The following BAIAP2L1 variants were observed in gnomAD, a reference collection of about 807,000 sequenced individuals.
BAIAP2L1 encodes BAR/IMD domain-containing adapter protein 2-like 1.
A neutral mutation model predicts 66.3 loss-of-function variants in BAIAP2L1; 35 were observed. The ratio of observed to expected loss-of-function variants is 0.53; its 90% CI spans 0.40 to 0.70. The LOEUF (loss-of-function observed/expected upper bound fraction) is 0.70, where lower values mean the gene tolerates loss of function less well. Among genes scored for constraint, BAIAP2L1 ranks in the 30% least tolerant of loss-of-function variants. The probability of loss-of-function intolerance (pLI) is 0.00; values close to 1 mark genes in which losing one functional copy is unlikely to be tolerated. For synonymous variants in BAIAP2L1, 269 were observed against 248.7 expected (o/e 1.08, Z -0.77); for missense variants, 622 against 656.9 (o/e 0.95, Z 0.58).
Position 98,343,248 on chromosome 7 carries a change from TACACAC to T in BAIAP2L1, c.214+11788_214+11793del, listed in dbSNP as rs57033582. 5.4e-3 allele frequency among the ~76,000 whole-genome samples: 688 copies of T among 128,506 alleles called. 4 individuals carry two copies. The highest frequency in any genetic ancestry group is 7.9e-3 in the Middle Eastern group (2 of 254). 84.3% of individuals were successfully genotyped at this position (128,506 alleles called of 152,430 possible). A position where few individuals can be genotyped will look rare whatever the true frequency, so the allele number is the denominator to read the frequency against. Reference sequence around the variant, plus strand: ...CCCTGTCTCTACTGGAAAAAAAAAATACACACACACACACACACACACACACACACA... The same window carrying T: ...CCCTGTCTCTACTGGAAAAAAAAAATACACACACACACACACACACACACA... On this transcript the variant is annotated intron_variant, in intron 3 of 13. Transcript: ENST00000005260.
intron 2 of BAIAP2L1, among the ~76,000 whole-genome samples, chr7:98,357,036 TA>T (rs1802146043): frequency 6.2e-5 from 1 of 16,160 alleles, no homozygotes; most frequent in African/African-American, 2.4e-4. Context: ...TATATATATA[TA>T]TATATATATA....
At chr7:98,314,729 C>A (rs942891841) in intron 7 of BAIAP2L1, among the ~76,000 whole-genome samples, 3 of 152,140 alleles carry the variant, frequency 2.0e-5, no homozygotes, top group Admixed American at 1.3e-4. Context: ...GCCCGTGACC[C>A]CCGGACACGG....
At position 98,292,887 on chromosome 7, in the gene BAIAP2L1, C is replaced by T. The variant is rs1372560189; in HGVS notation, c.*634G>A. 3.7e-5 allele frequency: 53 copies of T among 1,432,588 alleles called. 1 individual carries two copies. Among genetic ancestry groups the T allele is most frequent in the South Asian group, 1.7e-4 (11 of 66,270 alleles). The allele number at this position is 1,432,588 out of a possible 1,614,324, so 88.7% of individuals were successfully genotyped here. ...AAGGAGCTCTCGGAGGAGATTTCGTCGAGTGCTACGTGTGGCTGTGATAAG... is the reference window on the plus strand; with the variant it reads ...AAGGAGCTCTCGGAGGAGATTTCGTTGAGTGCTACGTGTGGCTGTGATAAG... On this transcript the variant is annotated 3_prime_UTR_variant, in exon 14 of 14. Transcript: ENST00000005260.
At chr7:98,313,198 G>A (rs1013721225) in intron 7 of BAIAP2L1, among the ~76,000 whole-genome samples, 4 of 149,426 alleles carry the variant, frequency 2.7e-5, no homozygotes, top group Non-Finnish European at 5.9e-5. Context: ...CCAGCTGCTT[G>A]GGCCTGCTTC....
intron 11 of BAIAP2L1, among the ~76,000 whole-genome samples, chr7:98,305,279 T>C (rs1274348083): frequency 1.3e-5 from 2 of 151,064 alleles, no homozygotes; most frequent in Non-Finnish European, 2.9e-5. Flanking sequence ...AGGAAAGAAA[T>C]TGGAGACTAG....
In BAIAP2L1 at chr7:98,307,758, T is replaced by C; in HGVS notation, c.1094A>G (p.Asp365Gly). Residue 365 changes from aspartate (D) to glycine (G), a missense_variant, in exon 10 of 14, where the codon GAT becomes GGT. Transcript: ENST00000005260. ...CTCGGGGATGAGCAGCGTGATGACATCTCCCTGTGCAAAGCTGAGTAAGGT... is the reference window on the plus strand; with the variant it reads ...CTCGGGGATGAGCAGCGTGATGACACCTCCCTGTGCAAAGCTGAGTAAGGT... ...NKTLLSFAQG[D>G]VITLLIPEEK... is the part of the protein sequence containing the mutation. The C allele has an allele frequency of 6.2e-7, 1 of 1,614,182 alleles. No homozygotes were observed. Among genetic ancestry groups the C allele is most frequent in the Non-Finnish European group, 8.5e-7 (1 of 1,180,042 alleles).
At chr7:98,311,647 C>T (rs1441763594) in intron 8 of BAIAP2L1, among the ~76,000 whole-genome samples, 1 of 151,942 alleles carries the variant, frequency 6.6e-6, no homozygotes, top group African/African-American at 2.4e-5. Flanking sequence ...GTGGCTCATG[C>T]CTGTAATCCC....
At chr7:98,329,119 G>A (rs1214997328) in intron 3 of BAIAP2L1, among the ~76,000 whole-genome samples, 1 of 152,124 alleles carries the variant, frequency 6.6e-6, no homozygotes. Context: ...AATCGCAAAG[G>A]CACTTCCGGT....
chr7:98,340,793 G>GTTTT (rs11455938), intron 3 of BAIAP2L1, among the ~76,000 whole-genome samples: 1 of 138,046 alleles, frequency 7.2e-6, no homozygotes, highest in Non-Finnish European at 1.5e-5. Flanking sequence ...GCTCTTACAG[G>GTTTT]TTTTTTTTTT....
chr7:98,326,388 C>A (rs1254673019), intron 3 of BAIAP2L1, among the ~76,000 whole-genome samples: 1 of 152,204 alleles, frequency 6.6e-6, no homozygotes, highest in Non-Finnish European at 1.5e-5. Flanking sequence ...TAGCTGCTGA[C>A]TTAAATAACA....
At chr7:98,396,376 A>T (rs983950843) in intron 1 of BAIAP2L1, among the ~76,000 whole-genome samples, 1 of 152,100 alleles carries the variant, frequency 6.6e-6, no homozygotes, top group Non-Finnish European at 1.5e-5. Context: ...GCCTCATTTT[A>T]TTAAGAGAGT....
intron 11 of BAIAP2L1, among the ~76,000 whole-genome samples, chr7:98,304,982 C>G (rs1800586643): frequency 6.6e-6 from 1 of 150,960 alleles, no homozygotes; most frequent in African/African-American, 2.4e-5. Flanking sequence ...TCTCCTGCCT[C>G]AGCCTCCCAA....
chr7:98,371,340 A>G (rs1802506434), intron 1 of BAIAP2L1, among the ~76,000 whole-genome samples: 1 of 152,220 alleles, frequency 6.6e-6, no homozygotes, highest in African/African-American at 2.4e-5. Context: ...TGGTTGCACA[A>G]TACATTCTAG....
chr7:98,294,004 G>A (rs1800077745), intron 13 of BAIAP2L1, 70 bp downstream of exon 13: 1 of 1,538,908 alleles, frequency 6.5e-7, no homozygotes, highest in Non-Finnish European at 9.0e-7. Flanking sequence ...GGCACCGAAG[G>A]CCCTTCCGGG....
At chr7:98,345,835 T>G (rs888316382) in intron 3 of BAIAP2L1, among the ~76,000 whole-genome samples, 3 of 151,824 alleles carry the variant, frequency 2.0e-5, no homozygotes, top group Admixed American at 1.3e-4. Context: ...CGTTAGTCAC[T>G]AGGGAGATGT....
chr7:98,348,076 T>C (rs1007420974), intron 3 of BAIAP2L1, among the ~76,000 whole-genome samples: 1 of 151,976 alleles, frequency 6.6e-6, no homozygotes, highest in Non-Finnish European at 1.5e-5. Context: ...CCAAGGCACG[T>C]GTATATCTAT....
Position 98,393,099 on chromosome 7 carries a change from G to T in BAIAP2L1, c.51+7703C>A, listed in dbSNP as rs528241318. On this transcript the variant is annotated intron_variant, in intron 1 of 13. Coordinates refer to ENST00000005260, the MANE Select transcript of BAIAP2L1 (RefSeq NM_018842.5). Reference sequence around the variant, plus strand: ...TACACACACATATATACATATATACGTGTACATATATGTACACATATATGT... The same window carrying T: ...TACACACACATATATACATATATACTTGTACATATATGTACACATATATGT... Among the ~76,000 whole-genome samples, 19 of 103,270 alleles carry T rather than the reference G, an allele frequency of 1.8e-4. 1 individual carries two copies. Among genetic ancestry groups the T allele is most frequent in the African/African-American group, 6.2e-4 (14 of 22,544 alleles). 67.7% of individuals were successfully genotyped at this position (103,270 alleles called of 152,430 possible).
At position 98,380,977 on chromosome 7, in the gene BAIAP2L1, C is replaced by T. The variant is rs371247348; in HGVS notation, c.52-18545G>A. The stretch of plus-strand genomic sequence containing the variant: ...CACAGCACAGCCCAGCATACTGAGA[C>T]GCACAGGTCATCCCCCGTCCTTTGG... On this transcript the variant is annotated intron_variant, in intron 1 of 13. Coordinates refer to ENST00000005260, the MANE Select transcript of BAIAP2L1 (RefSeq NM_018842.5). Among the ~76,000 whole-genome samples, 34 of 152,180 alleles carry T rather than the reference C, an allele frequency of 2.2e-4. 1 individual carries two copies. Among genetic ancestry groups the T allele is most frequent in the South Asian group, 8.3e-4 (4 of 4,826 alleles).
chr7:98,331,393 G>C (rs918081190), intron 3 of BAIAP2L1, among the ~76,000 whole-genome samples: 1 of 151,404 alleles, frequency 6.6e-6, no homozygotes, highest in Admixed American at 6.6e-5. Context: ...AGAGAACACA[G>C]GACAGGATAA....
Sources: gnomAD v4.1 joint callset for allele counts (sites outside exome capture counted in the v4.1 genomes callset) on GRCh38, gnomAD v4.1.1 for gene constraint, MANE v1.5 for transcripts, NCBI Gene and HGNC (gene_info 2026-07-23, HGNC 2026-07-21) for gene names.